Variants in MGAT4C observed in about 807,000 individuals in gnomAD.
The protein encoded by MGAT4C is alpha-1,3-mannosyl-glycoprotein 4-beta-N-acetylglucosaminyltransferase C.
A neutral mutation model predicts 40.1 loss-of-function variants in MGAT4C; 19 were observed. The observed-to-expected ratio is 0.47, with a 90% confidence interval of 0.33 to 0.70. The LOEUF is 0.70. Ranked by LOEUF, MGAT4C falls within the 30% of genes least tolerant of loss-of-function variation. The pLI is 0.02. For synonymous variants in MGAT4C, 181 were observed against 187.1 expected (o/e 0.97, Z 0.27); for missense variants, 491 against 563.2 (o/e 0.87, Z 1.30).
At chr12:86,779,940 TATAAAA>T (rs1249198375) in intron 1 of MGAT4C, among the ~76,000 whole-genome samples, 2 of 151,300 alleles carry the variant, frequency 1.3e-5, no homozygotes, top group African/African-American at 2.4e-5. Context: ...ATAATAATAT[TATAAAA>T]ATAAAAAGAT....
Position 86,444,882 on chromosome 12 carries a change from A to G in MGAT4C, c.-228-9617T>C, listed in dbSNP as rs137858416. On this transcript the variant is annotated intron_variant, in intron 2 of 7. Transcript: ENST00000548651. ...GGAAAGATTTATTGACATATGTAACAATACAGATGAATTTCTAAATTATAC... is the reference window on the plus strand; with the variant it reads ...GGAAAGATTTATTGACATATGTAACGATACAGATGAATTTCTAAATTATAC... Among the ~76,000 whole-genome samples, 338 of 152,344 alleles carry G rather than the reference A, an allele frequency of 2.2e-3. 1 individual carries two copies. Among genetic ancestry groups the G allele is most frequent in the Non-Finnish European group, 3.5e-3 (239 of 68,034 alleles).
At chr12:86,019,328 T>G (rs1889412637) in intron 2 of MGAT4C, among the ~76,000 whole-genome samples, 1 of 152,150 alleles carries the variant, frequency 6.6e-6, no homozygotes, top group Non-Finnish European at 1.5e-5. Flanking sequence ...AAGATAGTTT[T>G]AGTGGTGTGC....
chr12:86,635,663 G>GTGTGTA (rs1233893593), intron 2 of MGAT4C, among the ~76,000 whole-genome samples: 7 of 151,488 alleles, frequency 4.6e-5, no homozygotes, highest in African/African-American at 1.7e-4. Flanking sequence ...TACATTGTGT[G>GTGTGTA]TGTGTGTGTG....
intron 2 of MGAT4C, among the ~76,000 whole-genome samples, chr12:86,014,286 T>G (rs1250400774): frequency 6.6e-6 from 1 of 152,160 alleles, no homozygotes; most frequent in Non-Finnish European, 1.5e-5. Context: ...TTTTGAAGCA[T>G]CAACCCCTAA....
chr12:85,967,226 GTTAA>G lies in MGAT4C; in HGVS notation c.*12059_*12062del, dbSNP rs1883413635. ...TTTTGGTGTTGCAGGTTCATAATCAGTTAATTGAGTGTATTCACTATAAATTGCT... is the reference window on the plus strand; with the variant it reads ...TTTTGGTGTTGCAGGTTCATAATCAGTTGAGTGTATTCACTATAAATTGCT... On this transcript the variant is annotated 3_prime_UTR_variant, in exon 5 of 5. Coordinates refer to ENST00000611864, the MANE Select transcript of MGAT4C (RefSeq NM_001351288.2). The G allele has an allele frequency of 6.6e-6, 1 of 152,098 alleles. No homozygotes were observed. Among genetic ancestry groups the G allele is most frequent in the African/African-American group, 2.4e-5 (1 of 41,496 alleles). 9.4% of individuals were successfully genotyped at this position (152,098 alleles called of 1,614,324 possible).
chr12:86,521,265 C>A (rs533984636), intron 2 of MGAT4C, among the ~76,000 whole-genome samples: 35 of 151,978 alleles, frequency 2.3e-4, no homozygotes, highest in African/African-American at 8.4e-4. Flanking sequence ...AAGAAAGGGG[C>A]CGACTTTCAA....
chr12:86,751,543 C>G (rs543586785), intron 1 of MGAT4C, among the ~76,000 whole-genome samples: 1 of 152,128 alleles, frequency 6.6e-6, no homozygotes, highest in East Asian at 1.9e-4. Flanking sequence ...ATGGACATCT[C>G]AAGACAGACT....
At chr12:86,366,069 A>C (rs1955588682) in intron 3 of MGAT4C, among the ~76,000 whole-genome samples, 1 of 152,076 alleles carries the variant, frequency 6.6e-6, no homozygotes, top group Non-Finnish European at 1.5e-5. Context: ...TTCTTTCAGC[A>C]GTGTTTTGTA....
At chr12:86,469,914 G>A (rs1321716250) in intron 2 of MGAT4C, among the ~76,000 whole-genome samples, 1 of 152,002 alleles carries the variant, frequency 6.6e-6, no homozygotes, top group African/African-American at 2.4e-5. Flanking sequence ...GAGTGTTTTT[G>A]TTTAGTTTAG....
At chr12:86,113,855 A>G (rs1877881092) in intron 1 of MGAT4C, among the ~76,000 whole-genome samples, 1 of 151,958 alleles carries the variant, frequency 6.6e-6, no homozygotes, top group Admixed American at 6.6e-5. Flanking sequence ...AACAAAACAG[A>G]AACATTTCCA....
chr12:86,837,571 C>G (rs942996091), intron 1 of MGAT4C, among the ~76,000 whole-genome samples: 2 of 151,962 alleles, frequency 1.3e-5, no homozygotes, highest in African/African-American at 4.8e-5. Flanking sequence ...TGCTCCAGGT[C>G]AAATATACAC....
chr12:86,147,501 A>G (rs889486074), intron 1 of MGAT4C, among the ~76,000 whole-genome samples: 2 of 152,186 alleles, frequency 1.3e-5, no homozygotes, highest in Admixed American at 6.5e-5. Flanking sequence ...TCGGCCTCCC[A>G]AAGTGCTGGG....
chr12:86,408,457 C>CTT (rs1956521516), intron 3 of MGAT4C, among the ~76,000 whole-genome samples: 1 of 98,702 alleles, frequency 1.0e-5, no homozygotes, highest in Non-Finnish European at 1.9e-5. Context: ...AACTCTCTCT[C>CTT]TCTCTCTCTC....
rs1162917909 is a variant in MGAT4C at position 85,975,149 on chromosome 12, T to G, written c.*4140A>C. The stretch of plus-strand genomic sequence containing the variant: ...TGATAAGGTTTCTAGAGTAATAAAT[T>G]AGAATGACAGGAATATATATTGATT... On this transcript the variant is annotated 3_prime_UTR_variant, in exon 5 of 5. Transcript: ENST00000611864. 1 of 150,898 alleles carries G rather than the reference T, an allele frequency of 6.6e-6. No individual in the cohort carries two copies. Among genetic ancestry groups the G allele is most frequent in the African/African-American group, 2.4e-5 (1 of 41,316 alleles). 9.3% of individuals were successfully genotyped at this position (150,898 alleles called of 1,614,324 possible).
intron 1 of MGAT4C, among the ~76,000 whole-genome samples, chr12:86,766,209 G>T (rs1175012378): frequency 2.0e-5 from 3 of 151,926 alleles, no homozygotes; most frequent in Admixed American, 1.3e-4. Flanking sequence ...AAAGGCAGGG[G>T]TTGCAATCCT....
chr12:86,117,446 T>C (rs1040311483), intron 1 of MGAT4C, among the ~76,000 whole-genome samples: 3 of 152,160 alleles, frequency 2.0e-5, no homozygotes, highest in Non-Finnish European at 4.4e-5. Context: ...ACTGGAATGT[T>C]TTTTTGAAGC....
At chr12:86,073,270 T>C (rs767879283) in intron 1 of MGAT4C, among the ~76,000 whole-genome samples, 3 of 152,222 alleles carry the variant, frequency 2.0e-5, no homozygotes, top group African/African-American at 7.2e-5. Context: ...TTCCCAGCCA[T>C]GTGGAACTGT....
At chr12:86,245,308 C>T (rs183944153) in intron 1 of MGAT4C, among the ~76,000 whole-genome samples, 4 of 152,276 alleles carry the variant, frequency 2.6e-5, no homozygotes, top group African/African-American at 4.8e-5. Flanking sequence ...CCCAGGTTAG[C>T]ATGCCAGGTT....
At chr12:86,589,479 G>A (rs1169642612) in intron 2 of MGAT4C, among the ~76,000 whole-genome samples, 1 of 151,876 alleles carries the variant, frequency 6.6e-6, no homozygotes, top group African/African-American at 2.4e-5. Context: ...GAGGTACAAG[G>A]AGGAACTGGT....
Sources: gnomAD v4.1 joint callset for allele counts (sites outside exome capture counted in the v4.1 genomes callset) on GRCh38, gnomAD v4.1.1 for gene constraint, MANE v1.5 for transcripts, NCBI Gene and HGNC (gene_info 2026-07-23, HGNC 2026-07-21) for gene names.